The following SEMA6D variants were observed in gnomAD, a reference collection of about 807,000 sequenced individuals.
SEMA6D encodes the protein semaphorin-6D.
A neutral mutation model predicts 106.6 loss-of-function variants in SEMA6D; 35 were observed. That is an observed-to-expected ratio of 0.33 (90% CI 0.25 to 0.44). The LOEUF (loss-of-function observed/expected upper bound fraction) is 0.44, where lower values mean the gene tolerates loss of function less well. Among genes scored for constraint, SEMA6D ranks in the 20% least tolerant of loss-of-function variants. The pLI, the probability that SEMA6D is intolerant of heterozygous loss-of-function variation, is 1.00. For synonymous variants in SEMA6D, 499 were observed against 487.7 expected (o/e 1.02, Z -0.31); for missense variants, 1,185 against 1,345.9 (o/e 0.88, Z 1.87).
At chr15:47,747,149 G>C (rs1001760863) in intron 1 of SEMA6D, among the ~76,000 whole-genome samples, 1 of 151,922 alleles carries the variant, frequency 6.6e-6, no homozygotes, top group African/African-American at 2.4e-5. Flanking sequence ...TTAGTTTCTT[G>C]TATTATTTTC....
chr15:47,758,220 TTTAG>T (rs1442068119), intron 1 of SEMA6D, among the ~76,000 whole-genome samples: 2 of 152,214 alleles, frequency 1.3e-5, no homozygotes, highest in Non-Finnish European at 2.9e-5. Context: ...TGACTTGTAC[TTTAG>T]TTAGACACAT....
chr15:47,526,743 T>A (rs1797239), intron 3 of SEMA6D, among the ~76,000 whole-genome samples: 38,841 of 151,926 alleles, frequency 0.26, 5,428 homozygotes, highest in East Asian at 0.47. Context: ...TATTATTATT[T>A]TTTTTTTTTC....
intron 4 of SEMA6D, among the ~76,000 whole-genome samples, chr15:47,673,496 T>C (rs1039004475): frequency 2.3e-4 from 35 of 152,194 alleles, no homozygotes; most frequent in African/African-American, 8.4e-4. Flanking sequence ...ACATGCTGCC[T>C]ATCACAGAAT....
chr15:47,402,710 C>G (rs1199627109), intron 1 of SEMA6D, among the ~76,000 whole-genome samples: 2 of 145,876 alleles, frequency 1.4e-5, no homozygotes, highest in African/African-American at 2.5e-5. Flanking sequence ...TATGTTCTGT[C>G]TTCTCCCCAT....
intron 1 of SEMA6D, among the ~76,000 whole-genome samples, chr15:47,329,442 T>C (rs75801714): frequency 1.3e-5 from 2 of 152,214 alleles, no homozygotes; most frequent in African/African-American, 4.8e-5. Context: ...TAGAAATAGA[T>C]GAGAAACTAA....
chr15:47,350,295 TAC>T (rs1308561598), intron 1 of SEMA6D, among the ~76,000 whole-genome samples: 29 of 151,034 alleles, frequency 1.9e-4, no homozygotes, highest in Non-Finnish European at 4.4e-5. Context: ...GGGGCTTGCA[TAC>T]ATCAGCCTCA....
intron 4 of SEMA6D, among the ~76,000 whole-genome samples, chr15:47,641,983 T>C (rs1596511244): frequency 6.6e-6 from 1 of 152,274 alleles, no homozygotes; most frequent in East Asian, 1.9e-4. Flanking sequence ...CCTGCTAGCC[T>C]TGAGGGTTGT....
chr15:47,490,512 G>T (rs2043439936), intron 3 of SEMA6D, among the ~76,000 whole-genome samples: 1 of 152,094 alleles, frequency 6.6e-6, no homozygotes, highest in Admixed American at 6.5e-5. Flanking sequence ...CAGCATGGTG[G>T]CATGCGCCTG....
intron 2 of SEMA6D, among the ~76,000 whole-genome samples, chr15:47,450,714 G>C (rs905339249): frequency 8.5e-5 from 13 of 152,120 alleles, no homozygotes; most frequent in Admixed American, 6.5e-4. Context: ...AATAGGACAA[G>C]GGATCCTAGA....
chr15:47,349,700 A>T (rs144590391), intron 1 of SEMA6D, among the ~76,000 whole-genome samples: 1,677 of 151,470 alleles, frequency 0.011, 13 homozygotes, highest in Non-Finnish European at 0.014. Context: ...TTATAAAAAA[A>T]TATGGATCTA....
At chr15:47,464,607 C>T (rs1232282054) in intron 2 of SEMA6D, among the ~76,000 whole-genome samples, 45 of 152,074 alleles carry the variant, frequency 3.0e-4, no homozygotes, top group Admixed American at 2.9e-3. Flanking sequence ...TAGCTAATTC[C>T]CTGCCACCAC....
At chr15:47,753,657 A>G (rs2081565904) in intron 1 of SEMA6D, among the ~76,000 whole-genome samples, 4 of 152,338 alleles carry the variant, frequency 2.6e-5, no homozygotes, top group Admixed American at 2.0e-4. Context: ...TGAAGTCTCC[A>G]TATGGAACCA....
intron 1 of SEMA6D, among the ~76,000 whole-genome samples, chr15:47,217,808 A>G (rs998607813): frequency 3.3e-5 from 5 of 151,488 alleles, no homozygotes; most frequent in Admixed American, 2.6e-4. Flanking sequence ...ATATGTTTGT[A>G]TATACACATA....
intron 2 of SEMA6D, among the ~76,000 whole-genome samples, chr15:47,441,654 A>G (rs281241): frequency 0.017 from 2,548 of 152,206 alleles, 76 homozygotes; most frequent in African/African-American, 0.059. Flanking sequence ...GAAGATTCCA[A>G]TATACTGAAA....
chr15:47,299,145 G>A (rs1448628870), intron 1 of SEMA6D, among the ~76,000 whole-genome samples: 1 of 152,124 alleles, frequency 6.6e-6, no homozygotes, highest in African/African-American at 2.4e-5. Flanking sequence ...GTGAACATAT[G>A]GGTTAGTCTA....
At chr15:47,625,891 A>G (rs2077193165) in intron 4 of SEMA6D, among the ~76,000 whole-genome samples, 1 of 152,130 alleles carries the variant, frequency 6.6e-6, no homozygotes, top group Admixed American at 6.5e-5. Flanking sequence ...CTGTATTCCA[A>G]TACGATCACT....
intron 2 of SEMA6D, among the ~76,000 whole-genome samples, chr15:47,454,599 G>GCACACGCACACACACACA (rs1555442705): frequency 3.4e-5 from 5 of 148,874 alleles, no homozygotes; most frequent in African/African-American, 1.2e-4. Flanking sequence ...TTGCACATGT[G>GCACACGCACACACACACA]CACACACACA....
At chr15:47,741,438 C>G (rs1439319508) in intron 1 of SEMA6D, among the ~76,000 whole-genome samples, 1 of 152,162 alleles carries the variant, frequency 6.6e-6, no homozygotes, top group Non-Finnish European at 1.5e-5. Flanking sequence ...ATAAGAAGGC[C>G]GGGCACAGTG....
chr15:47,649,603 G>A (rs1388608790), intron 4 of SEMA6D, among the ~76,000 whole-genome samples: 1 of 152,156 alleles, frequency 6.6e-6, no homozygotes, highest in African/African-American at 2.4e-5. Context: ...GATCACACCT[G>A]TGACTAGTCA....
Sources: gnomAD v4.1 joint callset for allele counts (sites outside exome capture counted in the v4.1 genomes callset) on GRCh38, gnomAD v4.1.1 for gene constraint, MANE v1.5 for transcripts, NCBI Gene and HGNC (gene_info 2026-07-23, HGNC 2026-07-21) for gene names.